The following KIF26B variants were observed in gnomAD, a reference collection of about 807,000 sequenced individuals.
KIF26B encodes the protein kinesin family member 26B, also known as kinesin-like protein KIF26B.
A neutral mutation model predicts 151.2 loss-of-function variants in KIF26B; 63 were observed. That is an observed-to-expected ratio of 0.42 (90% CI 0.34 to 0.51). The LOEUF (loss-of-function observed/expected upper bound fraction) is 0.51. Among genes scored for constraint, KIF26B ranks in the 20% least tolerant of loss-of-function variants. The pLI is 0.07. For synonymous variants in KIF26B, 1,357 were observed against 1,262.1 expected (o/e 1.08, Z -1.59); for missense variants, 2,813 against 2,913.6 (o/e 0.97, Z 0.79).
At chr1:245,384,575 C>T (rs904680681) in intron 3 of KIF26B, among the ~76,000 whole-genome samples, 4 of 152,196 alleles carry the variant, frequency 2.6e-5, no homozygotes, top group Non-Finnish European at 2.9e-5. Flanking sequence ...CATGAACCGC[C>T]ATGCCTGGCC....
chr1:245,278,695 G>A (rs563000806), intron 2 of KIF26B, among the ~76,000 whole-genome samples: 3 of 152,272 alleles, frequency 2.0e-5, no homozygotes, highest in African/African-American at 7.2e-5. Flanking sequence ...TGCTTTTGAT[G>A]CATCTCTTGT....
At chr1:245,600,439 C>T (rs1032319699) in intron 5 of KIF26B, among the ~76,000 whole-genome samples, 4 of 151,422 alleles carry the variant, frequency 2.6e-5, no homozygotes, top group African/African-American at 9.7e-5. Context: ...CTCAAGTGAC[C>T]CTGCTACCTC....
At chr1:245,326,128 C>G (rs1238699306) in intron 2 of KIF26B, among the ~76,000 whole-genome samples, 1 of 152,136 alleles carries the variant, frequency 6.6e-6, no homozygotes, top group Non-Finnish European at 1.5e-5. Flanking sequence ...TGTGACTCTT[C>G]TAAAAGTAAG....
chr1:245,191,535 G>A (rs1669109598), intron 2 of KIF26B, among the ~76,000 whole-genome samples: 3 of 152,106 alleles, frequency 2.0e-5, no homozygotes, highest in Admixed American at 2.0e-4. Flanking sequence ...GAAATATATG[G>A]ATAAAGAAGT....
At chr1:245,369,191 G>GACAGAC (rs199727423) in intron 3 of KIF26B, among the ~76,000 whole-genome samples, 27 of 138,318 alleles carry the variant, frequency 2.0e-4, no homozygotes, top group African/African-American at 8.2e-4. Flanking sequence ...GAGAGAGAGA[G>GACAGAC]AGAGAGACAG....
At chr1:245,336,430 C>A (rs1050221987) in intron 2 of KIF26B, among the ~76,000 whole-genome samples, 26 of 152,180 alleles carry the variant, frequency 1.7e-4, no homozygotes, top group African/African-American at 6.3e-4. Flanking sequence ...CTGGCGGCTG[C>A]GTGGTGGATC....
At chr1:245,617,222 G>A (rs927204679) in intron 9 of KIF26B, among the ~76,000 whole-genome samples, 3 of 152,152 alleles carry the variant, frequency 2.0e-5, no homozygotes, top group African/African-American at 7.2e-5. Flanking sequence ...TCAGCCTCCT[G>A]AGTAGCTGAG....
At chr1:245,493,014 C>T (rs1260371359) in intron 4 of KIF26B, among the ~76,000 whole-genome samples, 1 of 152,046 alleles carries the variant, frequency 6.6e-6, no homozygotes, top group East Asian at 1.9e-4. Flanking sequence ...CTCCTGACCT[C>T]GTCATCCACC....
At chr1:245,409,465 T>C (rs1674221562) in intron 3 of KIF26B, among the ~76,000 whole-genome samples, 1 of 152,198 alleles carries the variant, frequency 6.6e-6, no homozygotes, top group Admixed American at 6.5e-5. Flanking sequence ...CTCTTCTGTT[T>C]GCAGAGTCTC....
At chr1:245,211,086 T>C (rs922036472) in intron 2 of KIF26B, among the ~76,000 whole-genome samples, 1 of 152,184 alleles carries the variant, frequency 6.6e-6, no homozygotes, top group Non-Finnish European at 1.5e-5. Flanking sequence ...TTCCCAGCGA[T>C]GGGCCTGAAC....
At chr1:245,382,191 C>T (rs1490339896) in intron 3 of KIF26B, among the ~76,000 whole-genome samples, 1 of 152,196 alleles carries the variant, frequency 6.6e-6, no homozygotes, top group Non-Finnish European at 1.5e-5. Flanking sequence ...CACAAGAGTG[C>T]ATACGGGTTC....
intron 11 of KIF26B, 130 bp downstream of exon 11, chr1:245,684,525 C>T (rs914813650): frequency 1.0e-6 from 1 of 983,884 alleles, no homozygotes; most frequent in African/African-American, 1.6e-5. Context: ...TTGGAGCTGA[C>T]AACACGTGGC....
At chr1:245,679,827 G>A (rs1572197827) in intron 10 of KIF26B, among the ~76,000 whole-genome samples, 2 of 152,074 alleles carry the variant, frequency 1.3e-5, no homozygotes, top group South Asian at 4.1e-4. Flanking sequence ...ACATGTATGC[G>A]TAAACACAAC....
At chr1:245,206,669 C>G (rs1284830209) in intron 2 of KIF26B, 1 of 152,186 alleles carries the variant, frequency 6.6e-6, no homozygotes, top group African/African-American at 2.4e-5. Context: ...GATCTTGATG[C>G]TGCTGTTTAC....
chr1:245,577,629 A>AC (rs2043133436), intron 5 of KIF26B, among the ~76,000 whole-genome samples: 1 of 145,578 alleles, frequency 6.9e-6, no homozygotes, highest in Non-Finnish European at 1.5e-5. Context: ...CATCCCCTAC[A>AC]CGGAAGAGCT....
chr1:245,297,071 G>A (rs1671349405), intron 2 of KIF26B, among the ~76,000 whole-genome samples: 2 of 143,296 alleles, frequency 1.4e-5, no homozygotes. Flanking sequence ...GGCCAGGCAT[G>A]GTGGCTCACG....
At chr1:245,519,553 C>CA (rs35436009) in intron 4 of KIF26B, among the ~76,000 whole-genome samples, 2,809 of 142,780 alleles carry the variant, frequency 0.02, 86 homozygotes, top group African/African-American at 0.065. Flanking sequence ...AACCCCATCT[C>CA]AAAAAAAAAA....
chr1:245,518,865 C>G (rs1292242320), intron 4 of KIF26B, among the ~76,000 whole-genome samples: 1 of 152,162 alleles, frequency 6.6e-6, no homozygotes, highest in African/African-American at 2.4e-5. Context: ...AAGGAAGCTG[C>G]TAAGAGTCCA....
chr1:245,505,856 T>G (rs1451808204), intron 4 of KIF26B, among the ~76,000 whole-genome samples: 1 of 152,190 alleles, frequency 6.6e-6, no homozygotes, highest in Non-Finnish European at 1.5e-5. Context: ...TTTTTAACCA[T>G]CTCTGCGTTG....
Sources: allele counts gnomAD v4.1 joint callset (sites outside exome capture counted in the v4.1 genomes callset), GRCh38; gene constraint gnomAD v4.1.1; transcripts MANE v1.5; gene names NCBI Gene and HGNC (gene_info 2026-07-23, HGNC 2026-07-21).